Variants in SEPTIN9 observed in about 807,000 individuals in gnomAD.
The protein encoded by SEPTIN9 is septin-9.
SEPTIN9 carries 13 observed loss-of-function variants against 56.6 expected under a neutral mutation model. The ratio of observed to expected loss-of-function variants is 0.23; its 90% CI spans 0.15 to 0.37. The LOEUF (loss-of-function observed/expected upper bound fraction) is 0.37, where lower values mean the gene tolerates loss of function less well. Ranked by LOEUF, SEPTIN9 falls within the 10% of genes least tolerant of loss-of-function variation. The probability of loss-of-function intolerance (pLI) is 1.00; values close to 1 mark genes in which losing one functional copy is unlikely to be tolerated. For synonymous variants in SEPTIN9, 332 were observed against 334.1 expected (o/e 0.99, Z 0.07); for missense variants, 650 against 823.1 (o/e 0.79, Z 2.57).
chr17:77,363,091 C>T (rs2034465054), intron 2 of SEPTIN9, among the ~76,000 whole-genome samples: 2 of 152,180 alleles, frequency 1.3e-5, no homozygotes, highest in Admixed American at 1.3e-4. Flanking sequence ...CTGAGCTCCA[C>T]TCTGTATGCA....
intron 3 of SEPTIN9, among the ~76,000 whole-genome samples, chr17:77,457,653 A>T (rs2038274193): frequency 6.6e-6 from 1 of 152,202 alleles, no homozygotes; most frequent in Admixed American, 6.5e-5. Flanking sequence ...TGGTGGAAAC[A>T]TGGGGTTCAC....
chr17:77,362,279 CCA>C, intron 2 of SEPTIN9, among the ~76,000 whole-genome samples: 1 of 152,318 alleles, frequency 6.6e-6, no homozygotes, highest in Non-Finnish European at 1.5e-5. Flanking sequence ...ATGGGACAAG[CCA>C]CAGAGACTCA....
At position 77,405,534 on chromosome 17, in the gene SEPTIN9, G is replaced by A. The variant is rs8079375; in HGVS notation, c.721+2831G>A. On this transcript the variant is annotated intron_variant, in intron 3 of 11. Coordinates refer to ENST00000427177, the MANE Select transcript of SEPTIN9 (RefSeq NM_001113491.2). This position sits in a 1 kb window ranked among gnomAD's most constrained non-coding sequence, Gnocchi z 5.8. The stretch of plus-strand genomic sequence containing the variant: ...CCCGGCCACCCACGGACAGGGACCT[G>A]TGCAGGTGGGAGTCCAGCTCACGTG... Among the ~76,000 whole-genome samples the A allele has an allele frequency of 3.7e-3, 557 of 152,342 alleles. 2 individuals carry two copies. Among genetic ancestry groups the A allele is most frequent in the African/African-American group, 0.013 (526 of 41,574 alleles).
chr17:77,432,875 G>A (rs929465220), intron 3 of SEPTIN9, among the ~76,000 whole-genome samples: 2 of 152,216 alleles, frequency 1.3e-5, no homozygotes, highest in Non-Finnish European at 2.9e-5. Flanking sequence ...CACAGTCACT[G>A]TTCTCATGAG....
intron 2 of SEPTIN9, among the ~76,000 whole-genome samples, chr17:77,364,124 G>A (rs1268471965): frequency 6.6e-6 from 1 of 152,214 alleles, no homozygotes; most frequent in Non-Finnish European, 1.5e-5. Flanking sequence ...GAGACACTCA[G>A]GGTGGGGAAG....
At chr17:77,311,730 CAA>C (rs2032500262) in intron 2 of SEPTIN9, among the ~76,000 whole-genome samples, 1 of 152,182 alleles carries the variant, frequency 6.6e-6, no homozygotes, top group South Asian at 2.1e-4. Flanking sequence ...CACGTTGCCT[CAA>C]TGCACAGAGT....
intron 1 of SEPTIN9, among the ~76,000 whole-genome samples, chr17:77,306,563 T>TG (rs1218768804): frequency 6.6e-6 from 1 of 152,242 alleles, no homozygotes; most frequent in Non-Finnish European, 1.5e-5. Flanking sequence ...GTTCTGTTTT[T>TG]GTTCCCTCCT....
chr17:77,413,960 C>CT (rs34029658), intron 3 of SEPTIN9, among the ~76,000 whole-genome samples: 1 of 146,204 alleles, frequency 6.8e-6, no homozygotes, highest in African/African-American at 2.6e-5. Context: ...TTTTTTTTCC[C>CT]CTCTCTCTTT....
chr17:77,281,592 C>G (rs1284790975), intron 1 of SEPTIN9, 38 bp downstream of exon 1: 4 of 1,529,742 alleles, frequency 2.6e-6, no homozygotes, highest in Non-Finnish European at 3.5e-6. Flanking sequence ...GGTCGGTGTC[C>G]CGGGACCAGC....
intron 2 of SEPTIN9, among the ~76,000 whole-genome samples, chr17:77,359,662 C>G (rs2034354058): frequency 6.6e-6 from 1 of 152,058 alleles, no homozygotes; most frequent in African/African-American, 2.4e-5. Flanking sequence ...AGTGTGGTGG[C>G]ACCTGTAGAC....
At chr17:77,353,872 T>C (rs1184738454) in intron 2 of SEPTIN9, among the ~76,000 whole-genome samples, 1 of 152,156 alleles carries the variant, frequency 6.6e-6, no homozygotes, top group Admixed American at 6.5e-5. Context: ...TCCATGAGAA[T>C]GCACACACGC....
At chr17:77,358,455 T>C (rs747918722) in intron 2 of SEPTIN9, among the ~76,000 whole-genome samples, 18 of 152,014 alleles carry the variant, frequency 1.2e-4, no homozygotes, top group Non-Finnish European at 2.5e-4. Flanking sequence ...ACCCCATCTC[T>C]ACAAAAAATA....
At chr17:77,399,886 C>T (rs1425003845) in intron 2 of SEPTIN9, among the ~76,000 whole-genome samples, 3 of 152,208 alleles carry the variant, frequency 2.0e-5, no homozygotes, top group Non-Finnish European at 4.4e-5. Context: ...TGCTGCCCTG[C>T]GGCCACGTGA....
intron 2 of SEPTIN9, among the ~76,000 whole-genome samples, chr17:77,363,379 CTTTTTTTT>C (rs34313886): frequency 3.0e-5 from 2 of 66,614 alleles, no homozygotes; most frequent in Non-Finnish European, 2.6e-5. Flanking sequence ...TTGGGCCTGT[CTTTTTTTT>C]TTTTTTTTTT....
At chr17:77,305,905 TG>T (rs869237057) in intron 1 of SEPTIN9, among the ~76,000 whole-genome samples, 1 of 30,374 alleles carries the variant, frequency 3.3e-5, no homozygotes, top group Non-Finnish European at 7.2e-5. Context: ...AGTGGGTGGG[TG>T]GGGGGGTGGG....
At chr17:77,350,479 G>A (rs1461020690) in intron 2 of SEPTIN9, among the ~76,000 whole-genome samples, 1 of 152,236 alleles carries the variant, frequency 6.6e-6, no homozygotes, top group Non-Finnish European at 1.5e-5. Context: ...AGAGAGGAGA[G>A]AGAGTGTGAG....
chr17:77,348,193 T>G (rs1264205962), intron 2 of SEPTIN9, among the ~76,000 whole-genome samples: 1 of 152,176 alleles, frequency 6.6e-6, no homozygotes, highest in Non-Finnish European at 1.5e-5. Context: ...TGACTGGGTT[T>G]AGAGCTACTA....
rs141839889 is a variant in SEPTIN9, at chr17:77,295,211, A to C, written c.20-11930A>C. 4.6e-5 allele frequency among the ~76,000 whole-genome samples: 7 copies of C among 152,322 alleles called. No individual in the cohort carries two copies. In the East Asian group the frequency reaches 1.3e-3, roughly 29 times the overall value. On this transcript the variant is annotated intron_variant, in intron 1 of 11. Coordinates refer to ENST00000427177, the MANE Select transcript of SEPTIN9 (RefSeq NM_001113491.2). ...ACAAAAAATGTTTGACCCTGTGGAC[A>C]TGTGGTTAGGGCCCTTCTCAGTGCC...
Position 77,461,297 on chromosome 17 carries a change from C to T in SEPTIN9, c.722-20847C>T, listed in dbSNP as rs568796274. 2.0e-5 allele frequency among the ~76,000 whole-genome samples: 3 copies of T among 152,168 alleles called. No individual in the cohort carries two copies. The East Asian group carries it at 5.8e-4, about 29-fold the overall frequency. On this transcript the variant is annotated intron_variant, in intron 3 of 11. Transcript: ENST00000427177. ...CTCCAGCCTGGACGACAGAGTGAGA[C>T]TCTGTCTCAAAAAAATAAAAATAAA...
Sources: gnomAD v4.1 joint callset for allele counts (sites outside exome capture counted in the v4.1 genomes callset) on GRCh38, gnomAD v4.1.1 for gene constraint, Gnocchi (gnomAD v3.1) non-coding constraint, MANE v1.5 for transcripts, NCBI Gene and HGNC (gene_info 2026-07-23, HGNC 2026-07-21) for gene names.